The following CDH12 variants were observed in gnomAD, a reference collection of about 807,000 sequenced individuals.
CDH12 encodes the protein cadherin 12.
CDH12 carries 41 observed loss-of-function variants against 74.1 expected under a neutral mutation model. The observed-to-expected ratio is 0.55, with a 90% CI of 0.43 to 0.72. The LOEUF (loss-of-function observed/expected upper bound fraction) is 0.72. Among genes scored for constraint, CDH12 ranks in the 30% least tolerant of loss-of-function variants. The probability of loss-of-function intolerance (pLI) is 0.00; values close to 1 mark genes in which losing one functional copy is unlikely to be tolerated. For missense variants in CDH12, 945 were observed against 977.2 expected, an observed-to-expected ratio of 0.97 and a Z score of 0.44; for synonymous variants, 399 against 355.0, an observed-to-expected ratio of 1.12 and a Z score of -1.39.
chr5:22,498,901 C>CTTTTTTTTTTT (rs34550762), intron 2 of CDH12, among the ~76,000 whole-genome samples: 313 of 73,400 alleles, frequency 4.3e-3, no homozygotes, highest in African/African-American at 5.2e-3. Context: ...TTTTCTGTTT[C>CTTTTTTTTTTT]TTTTTTTTTT....
chr5:22,563,079 TA>T (rs1739138530), intron 1 of CDH12, among the ~76,000 whole-genome samples: 1 of 147,426 alleles, frequency 6.8e-6, no homozygotes, highest in Non-Finnish European at 1.5e-5. Flanking sequence ...TATATATTTA[TA>T]TATATATATG....
intron 4 of CDH12, among the ~76,000 whole-genome samples, chr5:22,142,153 G>C (rs1348128594): frequency 6.6e-5 from 10 of 152,096 alleles, no homozygotes; most frequent in Admixed American, 2.6e-4. Context: ...TCTGAGATAG[G>C]CAACTAGAGA....
At chr5:22,830,297 G>A (rs1307574223) in intron 1 of CDH12, among the ~76,000 whole-genome samples, 1 of 151,796 alleles carries the variant, frequency 6.6e-6, no homozygotes, top group Non-Finnish European at 1.5e-5. Flanking sequence ...AAAATAACAT[G>A]GTTAATATTT....
chr5:22,349,975 C>A (rs1038004595), intron 3 of CDH12, among the ~76,000 whole-genome samples: 10 of 152,240 alleles, frequency 6.6e-5, no homozygotes, highest in Admixed American at 4.6e-4. Context: ...GCCTGCAAAC[C>A]TTTTGGGAGC....
chr5:22,338,573 G>GT (rs1739701276), intron 3 of CDH12, among the ~76,000 whole-genome samples: 1 of 152,048 alleles, frequency 6.6e-6, no homozygotes, highest in South Asian at 2.1e-4. Context: ...ATAACTAAAA[G>GT]TTTTTTTGTA....
At chr5:22,278,285 G>A (rs976703275) in intron 3 of CDH12, among the ~76,000 whole-genome samples, 1 of 152,166 alleles carries the variant, frequency 6.6e-6, no homozygotes, top group Non-Finnish European at 1.5e-5. Flanking sequence ...TAAGATCTGA[G>A]GTTTGTTGAT....
chr5:22,541,253 C>T (rs2126719223), intron 1 of CDH12, among the ~76,000 whole-genome samples: 1 of 152,322 alleles, frequency 6.6e-6, no homozygotes, highest in East Asian at 1.9e-4. Context: ...TCCCACCTGG[C>T]TATGCAGCTG....
chr5:22,438,825 GTTA>G (rs1464994069), intron 2 of CDH12, among the ~76,000 whole-genome samples: 1 of 151,562 alleles, frequency 6.6e-6, no homozygotes, highest in Non-Finnish European at 1.5e-5. Flanking sequence ...TTTAAAGAGA[GTTA>G]TTATTTTTAT....
intron 5 of CDH12, among the ~76,000 whole-genome samples, chr5:22,066,978 G>A (rs182257251): frequency 6.6e-6 from 1 of 152,244 alleles, no homozygotes; most frequent in East Asian, 1.9e-4. Flanking sequence ...TTTGATAATA[G>A]CACATAAATT....
chr5:21,794,783 T>G (rs570014766), intron 10 of CDH12, among the ~76,000 whole-genome samples: 22 of 151,868 alleles, frequency 1.4e-4, no homozygotes, highest in African/African-American at 4.6e-4. Flanking sequence ...AAGTAATTCA[T>G]GAAGAATAGT....
intron 3 of CDH12, among the ~76,000 whole-genome samples, chr5:22,375,145 C>T (rs545143827): frequency 2.0e-5 from 3 of 151,956 alleles, no homozygotes; most frequent in Non-Finnish European, 4.4e-5. Context: ...GAAATAGATC[C>T]AAGTATTTAC....
chr5:22,787,336 C>A (rs900270108), intron 1 of CDH12, among the ~76,000 whole-genome samples: 2 of 152,140 alleles, frequency 1.3e-5, no homozygotes, highest in Admixed American at 6.5e-5. Context: ...TCCCACTATG[C>A]AATTTCATGA....
At chr5:22,837,267 T>A (rs1304277755) in intron 1 of CDH12, among the ~76,000 whole-genome samples, 6 of 151,810 alleles carry the variant, frequency 4.0e-5, no homozygotes, top group Admixed American at 3.3e-4. Context: ...ACAAAAATTT[T>A]AAAAAAATTA....
chr5:21,959,792 G>GGT (rs1342877444), intron 6 of CDH12, among the ~76,000 whole-genome samples: 3 of 150,418 alleles, frequency 2.0e-5, no homozygotes, highest in Admixed American at 6.6e-5. Context: ...TGGGCTTGGT[G>GGT]GTGTGTGCCT....
rs144843165 is a variant in CDH12 at position 21,957,690 on chromosome 5, C to T, written c.526+17401G>A. 3.5e-3 allele frequency among the ~76,000 whole-genome samples: 537 copies of T among 152,044 alleles called. 3 individuals are homozygous for T. The highest frequency in any genetic ancestry group is 0.012 in the African/African-American group (501 of 41,488). On this transcript the variant is annotated intron_variant, in intron 6 of 14. Transcript: ENST00000382254. Reference sequence around the variant, plus strand: ...GTGATATTGAGTTTGTTTTTTTTCACATGCTTGTTGGCTGCATGTATGTCT... The same window carrying T: ...GTGATATTGAGTTTGTTTTTTTTCATATGCTTGTTGGCTGCATGTATGTCT...
At chr5:21,887,076 T>G (rs1393968060) in intron 6 of CDH12, among the ~76,000 whole-genome samples, 1 of 152,152 alleles carries the variant, frequency 6.6e-6, no homozygotes, top group Admixed American at 6.6e-5. Flanking sequence ...TTTAGGATTT[T>G]CAGACTCATT....
intron 3 of CDH12, among the ~76,000 whole-genome samples, chr5:22,344,448 T>C (rs1740024576): frequency 6.6e-6 from 1 of 152,156 alleles, no homozygotes; most frequent in Admixed American, 6.6e-5. Flanking sequence ...TGAAAATCCA[T>C]AAGTAAATTA....
intron 11 of CDH12, among the ~76,000 whole-genome samples, chr5:21,772,227 C>A (rs889577758): frequency 6.6e-6 from 1 of 151,980 alleles, no homozygotes; most frequent in African/African-American, 2.4e-5. Flanking sequence ...TCAATGTGTA[C>A]CTCTTTGCTT....
intron 1 of CDH12, among the ~76,000 whole-genome samples, chr5:22,800,960 G>C (rs1748479375): frequency 6.6e-6 from 1 of 152,004 alleles, no homozygotes; most frequent in African/African-American, 2.4e-5. Flanking sequence ...AGGATGTCCT[G>C]GTTGCTTCTA....
Sources: allele counts gnomAD v4.1 joint callset (sites outside exome capture counted in the v4.1 genomes callset), GRCh38; gene constraint gnomAD v4.1.1; transcripts MANE v1.5; gene names NCBI Gene and HGNC (gene_info 2026-07-23, HGNC 2026-07-21).